The following EPB41L2 variants were observed in gnomAD, a reference collection of about 807,000 sequenced individuals.
EPB41L2 encodes erythrocyte membrane protein band 4.1 like 2, also known as band 4.1-like protein 2.
EPB41L2 carries 43 observed loss-of-function variants against 113.0 expected under a neutral mutation model. That is an observed-to-expected ratio of 0.38 (90% CI 0.30 to 0.49). The LOEUF (loss-of-function observed/expected upper bound fraction) is 0.49. Among genes scored for constraint, EPB41L2 ranks in the 20% least tolerant of loss-of-function variants. The pLI is 0.95. For synonymous variants in EPB41L2, 442 were observed against 436.7 expected, an observed-to-expected ratio of 1.01 and a Z score of -0.15; for missense variants, 1,147 against 1,223.4, an observed-to-expected ratio of 0.94 and a Z score of 0.93.
intron 1 of EPB41L2, among the ~76,000 whole-genome samples, chr6:131,049,765 G>A (rs1169338975): frequency 6.6e-6 from 1 of 152,082 alleles, no homozygotes; most frequent in Non-Finnish European, 1.5e-5. Flanking sequence ...CACATTTATT[G>A]AACTATTTTT....
At chr6:130,895,629 A>G (rs1794417985) in intron 8 of EPB41L2, among the ~76,000 whole-genome samples, 1 of 152,214 alleles carries the variant, frequency 6.6e-6, no homozygotes, top group African/African-American at 2.4e-5. Flanking sequence ...AATCCCTTGC[A>G]GATAATTTCT....
rs570452747 is a variant in EPB41L2, at chr6:131,031,947, G to C, written c.-15+31208C>G. Among the ~76,000 whole-genome samples the C allele has an allele frequency of 1.9e-4, 29 of 152,136 alleles. 1 individual carries two copies. The highest frequency in any genetic ancestry group is 7.0e-4 in the African/African-American group (29 of 41,490). On this transcript the variant is annotated intron_variant, in intron 1 of 19. Transcript: ENST00000337057. ...GCTACACTTACTCCAAAGTGAAGAG[G>C]GTATAAAAGGGAGAGGAAGCAAGGC...
At chr6:130,979,719 G>T (rs1019939541) in intron 1 of EPB41L2, among the ~76,000 whole-genome samples, 19 of 152,098 alleles carry the variant, frequency 1.2e-4, no homozygotes, top group African/African-American at 4.6e-4. Flanking sequence ...AAGTTAGAAA[G>T]AGACTTCCAA....
intron 1 of EPB41L2, among the ~76,000 whole-genome samples, chr6:130,958,297 C>G (rs1428790818): frequency 6.6e-6 from 1 of 151,930 alleles, no homozygotes; most frequent in Non-Finnish European, 1.5e-5. Flanking sequence ...ACTAAAAATA[C>G]AAAACTTAGC....
intron 1 of EPB41L2, among the ~76,000 whole-genome samples, chr6:131,014,988 A>G (rs1787864954): frequency 6.6e-6 from 1 of 152,190 alleles, no homozygotes; most frequent in Non-Finnish European, 1.5e-5. Flanking sequence ...GCTTGCCTAT[A>G]TCTAGGTACA....
chr6:130,949,681 A>G (rs1206949175), intron 3 of EPB41L2, among the ~76,000 whole-genome samples: 1 of 151,990 alleles, frequency 6.6e-6, no homozygotes, highest in African/African-American at 2.4e-5. Context: ...CTGAATGGTA[A>G]TGAAAGCACT....
intron 8 of EPB41L2, among the ~76,000 whole-genome samples, chr6:130,898,338 AG>A (rs1169893912): frequency 1.3e-5 from 2 of 152,144 alleles, no homozygotes; most frequent in Non-Finnish European, 2.9e-5. Flanking sequence ...AGGCCTAGGG[AG>A]GAAAGACATC....
At position 130,921,554 on chromosome 6, in the gene EPB41L2, T is replaced by C. The variant is rs868818360; in HGVS notation, c.810+5051A>G. ...AACTTTAAACTCCGCACCCACATCA[T>C]GATCATTCATGCTGGAACGATTACT... On this transcript the variant is annotated intron_variant, in intron 4 of 19. Transcript: ENST00000337057. Among the ~76,000 whole-genome samples, 4 of 152,186 alleles carry C rather than the reference T, an allele frequency of 2.6e-5. No homozygotes were observed. In the South Asian group the frequency reaches 8.3e-4, roughly 32 times the overall value.
intron 1 of EPB41L2, among the ~76,000 whole-genome samples, chr6:130,969,818 C>T (rs889610942): frequency 6.6e-6 from 1 of 152,182 alleles, no homozygotes; most frequent in Non-Finnish European, 1.5e-5. Context: ...ACATAGTCCT[C>T]ACTGTGCTTC....
chr6:131,035,666 G>C (rs538159472), intron 1 of EPB41L2, among the ~76,000 whole-genome samples: 2 of 152,308 alleles, frequency 1.3e-5, no homozygotes, highest in South Asian at 4.1e-4. Flanking sequence ...CCAGTTCTGT[G>C]ACCAGATAGA....
At chr6:130,981,081 A>C (rs1329614926) in intron 1 of EPB41L2, among the ~76,000 whole-genome samples, 1 of 152,242 alleles carries the variant, frequency 6.6e-6, no homozygotes, top group Non-Finnish European at 1.5e-5. Context: ...CACCCAGAAT[A>C]TATTCAATGA....
intron 1 of EPB41L2, among the ~76,000 whole-genome samples, chr6:131,031,077 G>C (rs1792058666): frequency 6.6e-6 from 1 of 151,944 alleles, no homozygotes. Flanking sequence ...GGGCAACGGA[G>C]GGAGAGCCTG....
chr6:130,875,069 G>T (rs1787078886), intron 14 of EPB41L2, among the ~76,000 whole-genome samples: 1 of 152,136 alleles, frequency 6.6e-6, no homozygotes, highest in African/African-American at 2.4e-5. Flanking sequence ...TTAGCTTCAT[G>T]ACATTATCTT....
At chr6:130,956,608 AG>A in intron 1 of EPB41L2, 109 bp from the exon 2 acceptor site, 1 of 963,852 alleles carries the variant, frequency 1.0e-6, no homozygotes, top group Admixed American at 2.9e-5. Flanking sequence ...AACAGATGAC[AG>A]GGAGAAAGCA....
chr6:130,874,071 C>T (rs1786671237), intron 14 of EPB41L2, among the ~76,000 whole-genome samples: 2 of 152,238 alleles, frequency 1.3e-5, no homozygotes, highest in Middle Eastern at 3.4e-3. Context: ...TACCTTACAA[C>T]TCAATGTACA....
In EPB41L2 at chr6:130,853,207, T is replaced by C. The variant is rs531721300; in HGVS notation, c.*5+4924A>G. On this transcript the variant is annotated intron_variant, in intron 19 of 19. Transcript: ENST00000337057. ...GAGCAGCCACTCCTCTGTCGTTTCA[T>C]CCTTCAGGTGCTCACTGATTTTGGA... 1.5e-4 allele frequency among the ~76,000 whole-genome samples: 23 copies of C among 152,350 alleles called. 1 individual carries two copies. The highest frequency in any genetic ancestry group is 5.5e-4 in the African/African-American group (23 of 41,596).
chr6:131,046,757 C>T (rs1795545294), intron 1 of EPB41L2, among the ~76,000 whole-genome samples: 1 of 152,166 alleles, frequency 6.6e-6, no homozygotes, highest in Admixed American at 6.5e-5. Flanking sequence ...CCTCTACGTG[C>T]TTCCATTTTC....
At chr6:130,875,781 G>A (rs1032180375) in intron 14 of EPB41L2, among the ~76,000 whole-genome samples, 9 of 152,026 alleles carry the variant, frequency 5.9e-5, no homozygotes, top group African/African-American at 1.4e-4. Context: ...GGCAAATCAC[G>A]TGGTCAGGAG....
chr6:130,970,672 T>C (rs1776554794), intron 1 of EPB41L2, among the ~76,000 whole-genome samples: 1 of 152,194 alleles, frequency 6.6e-6, no homozygotes, highest in Non-Finnish European at 1.5e-5. Flanking sequence ...GTCTCCATCC[T>C]GCAACTTTGT....
Sources: gnomAD v4.1 joint callset for allele counts (sites outside exome capture counted in the v4.1 genomes callset) on GRCh38, gnomAD v4.1.1 for gene constraint, MANE v1.5 for transcripts, NCBI Gene and HGNC (gene_info 2026-07-23, HGNC 2026-07-21) for gene names.